Variants in ANKFN1 observed in about 807,000 individuals in gnomAD.
The protein encoded by ANKFN1 is ankyrin repeat and fibronectin type III domain containing 1.
In ANKFN1, 74 loss-of-function variants were observed where a neutral mutation model predicts 108.7. The ratio of observed to expected loss-of-function variants is 0.68; its 90% CI spans 0.56 to 0.83. ANKFN1 has a LOEUF of 0.83. Ranked by LOEUF, ANKFN1 falls within the 40% of genes least tolerant of loss-of-function variation. The pLI is 0.00. For missense variants in ANKFN1, 1,505 were observed against 1,382.3 expected, an observed-to-expected ratio of 1.09 and a Z score of -1.41; for synonymous variants, 547 against 516.2, an observed-to-expected ratio of 1.06 and a Z score of -0.81.
chr17:56,244,797 A>G (rs759186815), intron 3 of ANKFN1, among the ~76,000 whole-genome samples: 1 of 152,126 alleles, frequency 6.6e-6, no homozygotes, highest in Non-Finnish European at 1.5e-5. Context: ...GCTTGTCCCA[A>G]TTTGCTCCTC....
intron 3 of ANKFN1, among the ~76,000 whole-genome samples, chr17:56,272,236 C>G (rs2144187380): frequency 6.6e-6 from 1 of 152,228 alleles, no homozygotes; most frequent in South Asian, 2.1e-4. Context: ...CAACTATCAC[C>G]TCCATTCATC....
chr17:56,410,048 C>T (rs985863841), intron 8 of ANKFN1, among the ~76,000 whole-genome samples: 9 of 151,916 alleles, frequency 5.9e-5, no homozygotes, highest in Non-Finnish European at 1.2e-4. Flanking sequence ...GAGGTAAAAC[C>T]CCAAATGACA....
intron 4 of ANKFN1, among the ~76,000 whole-genome samples, chr17:56,062,559 C>CTTTTTTTTTTTTTTTTTT (rs3085080): frequency 5.9e-5 from 8 of 134,508 alleles, no homozygotes; most frequent in African/African-American, 2.1e-4. Flanking sequence ...GTAATCTCTG[C>CTTTTTTTTTTTTTTTTTT]TTTTTTTTTT....
At chr17:56,255,391 A>G (rs942901795) in intron 3 of ANKFN1, among the ~76,000 whole-genome samples, 1 of 152,116 alleles carries the variant, frequency 6.6e-6, no homozygotes, top group Non-Finnish European at 1.5e-5. Flanking sequence ...TGCCAGCACA[A>G]TCCCCTAACC....
chr17:56,456,734 A>G (rs929265014), intron 11 of ANKFN1, 127 bp from the exon 12 acceptor site: 2 of 751,894 alleles, frequency 2.7e-6, no homozygotes, highest in Admixed American at 4.3e-5. Flanking sequence ...CAGAATCCCT[A>G]CATGAACCTG....
At chr17:56,189,178 T>TG (rs1912603194) in intron 1 of ANKFN1, among the ~76,000 whole-genome samples, 2 of 118,846 alleles carry the variant, frequency 1.7e-5, no homozygotes, top group African/African-American at 8.5e-5. Context: ...GACTTTTTTT[T>TG]TTTTTTTTTT....
chr17:56,422,445 GCATGCACACA>G (rs930105785), intron 8 of ANKFN1, among the ~76,000 whole-genome samples: 4 of 151,456 alleles, frequency 2.6e-5, no homozygotes, highest in African/African-American at 9.8e-5. Flanking sequence ...CCACACACAT[GCATGCACACA>G]CATGCACACA....
chr17:56,089,810 C>T (rs140708072), intron 4 of ANKFN1, among the ~76,000 whole-genome samples: 1,963 of 151,278 alleles, frequency 0.013, 100 homozygotes, highest in African/African-American at 0.046. Context: ...TGCTATTTAC[C>T]AGCCGGGTCA....
intron 1 of ANKFN1, among the ~76,000 whole-genome samples, chr17:56,158,707 A>AT (rs1006825533): frequency 1.3e-5 from 2 of 152,156 alleles, no homozygotes; most frequent in Admixed American, 1.3e-4. Flanking sequence ...AAAATAAATG[A>AT]TTTTTTTATA....
intron 8 of ANKFN1, among the ~76,000 whole-genome samples, chr17:56,406,551 T>C (rs542360100): frequency 6.6e-6 from 1 of 152,322 alleles, no homozygotes; most frequent in East Asian, 1.9e-4. Flanking sequence ...AATTTTTGTG[T>C]AATATTAGAA....
chr17:56,355,364 G>A (rs59154304), intron 6 of ANKFN1, among the ~76,000 whole-genome samples: 9,158 of 152,098 alleles, frequency 0.06, 899 homozygotes, highest in African/African-American at 0.21. Context: ...TCAAATTCTC[G>A]GCAGAGTGAA....
intron 4 of ANKFN1, among the ~76,000 whole-genome samples, chr17:56,346,942 T>A (rs1386070899): frequency 1.3e-5 from 2 of 152,038 alleles, no homozygotes; most frequent in Non-Finnish European, 2.9e-5. Flanking sequence ...TTACCTACAA[T>A]CTCTGTGACT....
At chr17:56,101,069 C>A (rs761922014) in intron 4 of ANKFN1, among the ~76,000 whole-genome samples, 1 of 151,896 alleles carries the variant, frequency 6.6e-6, no homozygotes, top group Non-Finnish European at 1.5e-5. Flanking sequence ...CACTTTCTGC[C>A]GTACGTGGAT....
In ANKFN1 at chr17:56,493,520, A is replaced by G. The variant is rs575570469; in HGVS notation, c.2427+1167A>G. ...GTTGGGGCATAAATTGAGTGATGAG[A>G]GGTAGAAATTAGGCAAGAAGGAAAG... is the stretch of plus-strand genomic sequence containing the variant. On this transcript the variant is annotated intron_variant, in intron 19 of 20. Transcript: ENST00000682825. 3.3e-5 allele frequency among the ~76,000 whole-genome samples: 5 copies of G among 152,268 alleles called. No individual in the cohort carries two copies. The East Asian group carries it at 9.6e-4, about 29-fold the overall frequency.
intron 3 of ANKFN1, among the ~76,000 whole-genome samples, chr17:56,261,071 T>C (rs2043498322): frequency 6.6e-6 from 1 of 152,190 alleles, no homozygotes; most frequent in African/African-American, 2.4e-5. Flanking sequence ...ATTTGGCACC[T>C]AAATTAAAAA....
chr17:56,170,475 C>T (rs1910549441), intron 1 of ANKFN1, among the ~76,000 whole-genome samples: 1 of 151,902 alleles, frequency 6.6e-6, no homozygotes, highest in African/African-American at 2.4e-5. Context: ...TTAAAATAAC[C>T]TAACAGGTCG....
chr17:56,375,959 A>G (rs1006085244), intron 8 of ANKFN1, among the ~76,000 whole-genome samples: 4 of 152,236 alleles, frequency 2.6e-5, no homozygotes, highest in African/African-American at 9.6e-5. Flanking sequence ...TCATCACATT[A>G]TGCTGACTCT....
intron 3 of ANKFN1, among the ~76,000 whole-genome samples, chr17:56,271,330 A>T (rs1290633896): frequency 6.6e-6 from 1 of 152,182 alleles, no homozygotes; most frequent in Non-Finnish European, 1.5e-5. Flanking sequence ...GTTGGCCGCC[A>T]CCAAACTGTA....
chr17:56,139,063 G>A (rs1907767040), intron 4 of ANKFN1, among the ~76,000 whole-genome samples: 1 of 152,152 alleles, frequency 6.6e-6, no homozygotes, highest in African/African-American at 2.4e-5. Flanking sequence ...CTAGTGATCA[G>A]AAGCTATCCA....
Sources: allele counts gnomAD v4.1 joint callset (sites outside exome capture counted in the v4.1 genomes callset), GRCh38; gene constraint gnomAD v4.1.1; transcripts MANE v1.5; gene names NCBI Gene and HGNC (gene_info 2026-07-23, HGNC 2026-07-21).